ADGRL2: variants seen among roughly 807,000 people sequenced by gnomAD.
ADGRL2 encodes calcium-independent alpha-latrotoxin receptor 2.
ADGRL2 carries 44 observed loss-of-function variants against 157.4 expected under a neutral mutation model. That is an observed-to-expected ratio of 0.28 (90% CI 0.22 to 0.36). ADGRL2 has a LOEUF of 0.36. ADGRL2 is among the 10% of genes least tolerant of loss of function. The probability of loss-of-function intolerance (pLI) is 1.00; values close to 1 mark genes in which losing one functional copy is unlikely to be tolerated. For missense variants in ADGRL2, 1,510 were observed against 1,768.9 expected (o/e 0.85, Z 2.63); for synonymous variants, 585 against 624.7 (o/e 0.94, Z 0.95).
intron 2 of ADGRL2, among the ~76,000 whole-genome samples, chr1:81,445,477 C>T (rs943213468): frequency 2.0e-5 from 3 of 152,122 alleles, no homozygotes; most frequent in African/African-American, 7.2e-5. Flanking sequence ...AGAAATTATT[C>T]GGATGCATTC....
At chr1:81,511,896 G>A (rs2079086094) in intron 2 of ADGRL2, among the ~76,000 whole-genome samples, 1 of 151,928 alleles carries the variant, frequency 6.6e-6, no homozygotes, top group African/African-American at 2.4e-5. Flanking sequence ...GTGAGAAGTT[G>A]TAAAAACACC....
intron 1 of ADGRL2, among the ~76,000 whole-genome samples, chr1:81,736,276 A>T (rs184786618): frequency 2.0e-5 from 3 of 152,242 alleles, no homozygotes; most frequent in African/African-American, 7.2e-5. Flanking sequence ...TTGTGCTTAA[A>T]TGGTTCATTT....
rs143841194 is a variant in ADGRL2 at position 81,462,180 on chromosome 1, A to C, written c.-248+17091A>C. 3.3e-5 allele frequency among the ~76,000 whole-genome samples: 5 copies of C among 152,146 alleles called. 1 individual carries two copies. The East Asian group carries it at 9.6e-4, about 29-fold the overall frequency. The stretch of plus-strand genomic sequence containing the variant: ...GGACCAATCACACTCTGTAAGATGG[A>C]CCAATCACCACTCTGTAAAATGGAC... On this transcript the variant is annotated intron_variant, in intron 2 of 24. Coordinates refer to the ADGRL2 transcript ENST00000370721.
intron 1 of ADGRL2, among the ~76,000 whole-genome samples, chr1:81,316,460 A>G (rs1660115893): frequency 6.6e-6 from 1 of 152,194 alleles, no homozygotes. Flanking sequence ...CTTTGGATTT[A>G]GAAAATGATT....
intron 3 of ADGRL2, among the ~76,000 whole-genome samples, chr1:81,647,959 A>G (rs537474906): frequency 6.6e-6 from 1 of 152,320 alleles, no homozygotes; most frequent in African/African-American, 2.4e-5. Context: ...TCTATAATTC[A>G]GCTCTGACTT....
intron 2 of ADGRL2, among the ~76,000 whole-genome samples, chr1:81,845,099 G>A (rs146681881): frequency 0.014 from 2,190 of 151,924 alleles, 41 homozygotes; most frequent in African/African-American, 0.042. Flanking sequence ...ACAAAATTAG[G>A]TTATTCATCT....
At chr1:81,964,165 T>A (rs929656971) in intron 11 of ADGRL2, among the ~76,000 whole-genome samples, 7 of 152,048 alleles carry the variant, frequency 4.6e-5, no homozygotes, top group African/African-American at 1.4e-4. Flanking sequence ...TTTTTTAAAC[T>A]CTAATAAGTA....
chr1:81,974,455 A>G (rs953991317), intron 17 of ADGRL2, among the ~76,000 whole-genome samples: 1 of 152,172 alleles, frequency 6.6e-6, no homozygotes, highest in Non-Finnish European at 1.5e-5. Flanking sequence ...TTCTTCAGAG[A>G]ACACCTCTCT....
At chr1:81,939,625 A>G (rs1416019317) in intron 4 of ADGRL2, among the ~76,000 whole-genome samples, 2 of 151,508 alleles carry the variant, frequency 1.3e-5, no homozygotes, top group African/African-American at 4.8e-5. Flanking sequence ...ATATCCATGT[A>G]GTCCTCCACT....
At chr1:81,434,060 G>A (rs1167369105) in intron 1 of ADGRL2, among the ~76,000 whole-genome samples, 1 of 152,142 alleles carries the variant, frequency 6.6e-6, no homozygotes, top group Non-Finnish European at 1.5e-5. Context: ...TAAAGGCTAA[G>A]CCAGGACCTA....
intron 3 of ADGRL2, among the ~76,000 whole-genome samples, chr1:81,611,867 A>G (rs72937205): frequency 0.026 from 3,978 of 152,064 alleles, 170 homozygotes; most frequent in African/African-American, 0.091. Context: ...AGTTTCCCCT[A>G]TGCTGTTCTC....
At chr1:81,346,283 T>A (rs774427049) in intron 1 of ADGRL2, among the ~76,000 whole-genome samples, 2 of 152,188 alleles carry the variant, frequency 1.3e-5, no homozygotes, top group Non-Finnish European at 2.9e-5. Context: ...TTTTTGCAAT[T>A]GCTATAATCC....
At chr1:81,691,880 G>GTGTATATATATATATATATATATA (rs1553140755) in intron 3 of ADGRL2, among the ~76,000 whole-genome samples, 11 of 119,876 alleles carry the variant, frequency 9.2e-5, no homozygotes, top group African/African-American at 3.3e-4. Context: ...GTGTGTGTGT[G>GTGTATATATATATATATATATATA]TATATATATA....
chr1:81,385,718 T>C (rs538342395), intron 1 of ADGRL2, among the ~76,000 whole-genome samples: 4 of 152,222 alleles, frequency 2.6e-5, no homozygotes, highest in Middle Eastern at 3.4e-3. Flanking sequence ...GCATTGATAA[T>C]GAACTATGTG....
At chr1:81,925,302 C>T (rs564134436) in intron 3 of ADGRL2, among the ~76,000 whole-genome samples, 1 of 152,110 alleles carries the variant, frequency 6.6e-6, no homozygotes, top group South Asian at 2.1e-4. Context: ...ATATTGCTTG[C>T]TCATTCTTTT....
chr1:81,730,429 A>T (rs540273160), intron 1 of ADGRL2, among the ~76,000 whole-genome samples: 2 of 150,648 alleles, frequency 1.3e-5, no homozygotes, highest in Non-Finnish European at 3.0e-5. Context: ...TTCAGTCAAC[A>T]GATAGTGCTT....
intron 3 of ADGRL2, among the ~76,000 whole-genome samples, chr1:81,919,629 A>G (rs2094934808): frequency 6.6e-6 from 1 of 152,016 alleles, no homozygotes; most frequent in African/African-American, 2.4e-5. Context: ...TTTTTTAATG[A>G]TATTTTATAA....
chr1:81,856,885 A>T (rs2093221981), intron 2 of ADGRL2, among the ~76,000 whole-genome samples: 1 of 152,198 alleles, frequency 6.6e-6, no homozygotes, highest in African/African-American at 2.4e-5. Flanking sequence ...ATCATTAAAT[A>T]ATAAACATGT....
chr1:81,614,080 A>C (rs2081595610), intron 3 of ADGRL2, among the ~76,000 whole-genome samples: 1 of 152,158 alleles, frequency 6.6e-6, no homozygotes, highest in Admixed American at 6.5e-5. Context: ...ACTTCCACTT[A>C]GTTCAATACG....
Sources: allele counts gnomAD v4.1 joint callset (sites outside exome capture counted in the v4.1 genomes callset), GRCh38; gene constraint gnomAD v4.1.1; transcripts MANE v1.5; gene names NCBI Gene and HGNC (gene_info 2026-07-23, HGNC 2026-07-21).